SEPTIN12: variants seen among roughly 807,000 people sequenced by gnomAD.
The protein encoded by SEPTIN12 is septin-12.
A neutral mutation model predicts 37.7 loss-of-function variants in SEPTIN12; 42 were observed. The ratio of observed to expected loss-of-function variants is 1.11; its 90% confidence interval spans 0.87 to 1.44. SEPTIN12 has a LOEUF of 1.44. Among genes scored for constraint, SEPTIN12 ranks in the 40% most tolerant of loss-of-function variants. The pLI is 0.00. For missense variants in SEPTIN12, 613 were observed against 479.2 expected (o/e 1.28, Z -2.61); for synonymous variants, 254 against 196.7 (o/e 1.29, Z -2.44).
In SEPTIN12 at chr16:4,787,902, C is replaced by G. The variant is rs534390201; in HGVS notation, c.-22-235G>C. 1.1e-5 allele frequency: 5 copies of G among 452,388 alleles called. No homozygotes were observed. In the East Asian group the frequency reaches 2.0e-4, roughly 18 times the overall value. The allele number at this position is 452,388 out of a possible 1,614,324, so 28.0% of individuals were successfully genotyped here. A position where few individuals can be genotyped will look rare whatever the true frequency, so the allele number is the denominator to read the frequency against. On this transcript the variant is annotated intron_variant, in intron 1 of 9. Transcript: ENST00000268231. ...CAGAGAGGCTCCGCTGCCCAAGGGT[C>G]TGCCCTGTCCCCACCTACAGCCCAG...
Position 4,780,488 on chromosome 16 carries a change from A to T in SEPTIN12, c.727-702T>A, listed in dbSNP as rs1016780227. Among the ~76,000 whole-genome samples, 3 of 152,182 alleles carry T rather than the reference A, an allele frequency of 2.0e-5. No individual in the cohort carries two copies. The East Asian group carries it at 5.8e-4, about 29-fold the overall frequency. ...TGAACCATGACATCAGAGTTGAATC[A>T]TCACAACAGAGACCCTACGGCCCAG... On this transcript the variant is annotated intron_variant, in intron 7 of 9. Coordinates refer to ENST00000268231, the MANE Select transcript of SEPTIN12 (RefSeq NM_144605.5).
chr16:4,777,817 C>T lies in SEPTIN12; in HGVS notation c.1057G>A (p.Asp353Asn), dbSNP rs781297591. 2 of 1,568,836 alleles carry T rather than the reference C, an allele frequency of 1.3e-6. No individual in the cohort carries two copies. Among genetic ancestry groups the T allele is most frequent in the South Asian group, 1.2e-5 (1 of 84,846 alleles). Residue 353 changes from aspartate to asparagine, a missense_variant, in exon 10 of 10, where the codon GAT (aspartate) becomes AAT (asparagine). Coordinates refer to ENST00000268231, the MANE Select transcript of SEPTIN12 (RefSeq NM_144605.5). ...TFKVCRGAHDDSDDEF is the reference protein window; with the variant it reads ...TFKVCRGAHDNSDDEF ...GGTGGTCAGAACTCATCATCAGAAT[C>T]GTCATGGGCCCCCCTGCAGACCTTG...
At chr16:4,785,777 T>TAAA (rs368610870) in intron 4 of SEPTIN12, 30 bp downstream of exon 4, 207 of 1,194,302 alleles carry the variant, frequency 1.7e-4, no homozygotes, top group Admixed American at 2.4e-4. Context: ...AAACTCTGCC[T>TAAA]AAAAAAAAAA....
chr16:4,784,468 C>G (rs984295341), intron 4 of SEPTIN12, among the ~76,000 whole-genome samples: 5 of 152,084 alleles, frequency 3.3e-5, no homozygotes, highest in Non-Finnish European at 7.4e-5. Context: ...CCAAACAGAT[C>G]CTTTTAAAAA....
chr16:4,778,009 G>A lies in SEPTIN12; in HGVS notation c.876-11C>T, dbSNP rs993249552. 4.3e-6 allele frequency: 7 copies of A among 1,612,150 alleles called. No individual in the cohort carries two copies. Among genetic ancestry groups the A allele is most frequent in the Non-Finnish European group, 4.2e-6 (5 of 1,179,068 alleles). On this transcript the variant is annotated splice_polypyrimidine_tract_variant and intron_variant, in intron 9 of 9. Coordinates refer to ENST00000268231, the MANE Select transcript of SEPTIN12 (RefSeq NM_144605.5). ...TCTTGGAGGTGGGAGCTGGGGGACCGGAGACGGTCAGCCCCGATGGTGGTG... is the reference window on the plus strand; with the variant it reads ...TCTTGGAGGTGGGAGCTGGGGGACCAGAGACGGTCAGCCCCGATGGTGGTG...
At chr16:4,783,383 G>C in intron 7 of SEPTIN12, 79 bp downstream of exon 7, 1 of 1,064,976 alleles carries the variant, frequency 9.4e-7, no homozygotes, top group Non-Finnish European at 1.5e-6. Flanking sequence ...CTGAGATGTA[G>C]AGAAAGATGA....
intron 7 of SEPTIN12, among the ~76,000 whole-genome samples, chr16:4,781,057 G>A (rs1018100546): frequency 2.0e-5 from 3 of 151,980 alleles, no homozygotes; most frequent in Non-Finnish European, 2.9e-5. Context: ...TCAGGAGATC[G>A]AGATCACCCT....
chr16:4,784,127 CT>C (rs1364834175), intron 4 of SEPTIN12, 59 bp from the exon 5 acceptor site: 1 of 1,600,696 alleles, frequency 6.2e-7, no homozygotes, highest in Non-Finnish European at 8.5e-7. Context: ...AGCCCCACCC[CT>C]CTCCTCTGTG....
intron 5 of SEPTIN12, 49 bp downstream of exon 5, chr16:4,783,882 T>A (rs1347663515): frequency 6.2e-7 from 1 of 1,612,318 alleles, no homozygotes. Context: ...CTTCTCCTCC[T>A]CCCTGCCCCG....
At chr16:4,783,906 C>T (rs368003981) in intron 5 of SEPTIN12, 25 bp downstream of exon 5, 526 of 1,613,654 alleles carry the variant, frequency 3.3e-4, no homozygotes, top group Non-Finnish European at 4.3e-4. Flanking sequence ...AGGTGGTCCT[C>T]GCCTTGCAGG....
At chr16:4,778,050 G>A (rs1248081404) in intron 9 of SEPTIN12, 36 bp downstream of exon 9, 14 of 1,612,966 alleles carry the variant, frequency 8.7e-6, no homozygotes, top group East Asian at 2.2e-5. Flanking sequence ...AGGGCCCCTC[G>A]CCAGCCCCCT....
chr16:4,791,461 T>C (rs1024998210), upstream of SEPTIN12, among the ~76,000 whole-genome samples: 19 of 152,108 alleles, frequency 1.2e-4, no homozygotes, highest in African/African-American at 4.6e-4. Flanking sequence ...GTTCATTTCA[T>C]CCTCACGACA....
At chr16:4,779,078 C>T (rs2082344575) in intron 8 of SEPTIN12, among the ~76,000 whole-genome samples, 1 of 152,066 alleles carries the variant, frequency 6.6e-6, no homozygotes, top group Admixed American at 6.6e-5. Flanking sequence ...GCGGAGGTTG[C>T]AGTGAGCCGA....
At chr16:4,791,085 A>G (rs1012454346), upstream of SEPTIN12, among the ~76,000 whole-genome samples, 1 of 152,244 alleles carries the variant, frequency 6.6e-6, no homozygotes, top group African/African-American at 2.4e-5. Context: ...ATGTCCCCTA[A>G]GGAAATGCGC....
intron 8 of SEPTIN12, 58 bp downstream of exon 8, chr16:4,779,632 G>A: frequency 9.4e-7 from 1 of 1,065,070 alleles, no homozygotes; most frequent in Non-Finnish European, 1.5e-6. Context: ...GTTGCCCAAG[G>A]CTGCTCTGGT....
In SEPTIN12 at chr16:4,787,612, G is replaced by C. The variant is rs767376099; in HGVS notation, c.34C>G (p.Leu12Val). 4 of 1,602,120 alleles carry C rather than the reference G, an allele frequency of 2.5e-6. No individual in the cohort carries two copies. Among genetic ancestry groups the C allele is most frequent in the Non-Finnish European group, 3.4e-6 (4 of 1,178,634 alleles). Reference sequence around the variant, plus strand: ...CTGGGGCTGGAGGGCTGCGAGGACAGGCAGGGAGAGGGGGAGCGCCTCAGG... The same window carrying C: ...CTGGGGCTGGAGGGCTGCGAGGACACGCAGGGAGAGGGGGAGCGCCTCAGG... ...DPLRRSPSPCLSSQPSSPSTP... is the reference protein window; with the variant it reads ...DPLRRSPSPCVSSQPSSPSTP... The change falls in exon 2 of 10, where the codon CTG (leucine) becomes GTG (valine). Residue 12 changes from leucine (L) to valine (V), a missense_variant. Physicochemically the swap from Leu to Val is conservative, Grantham distance 32 (BLOSUM62 1). Coordinates refer to ENST00000268231, the MANE Select transcript of SEPTIN12 (RefSeq NM_144605.5).
intron 4 of SEPTIN12, 40 bp from the exon 5 acceptor site, chr16:4,784,108 T>G (rs765566013): frequency 2.5e-6 from 4 of 1,610,436 alleles, no homozygotes; most frequent in Non-Finnish European, 3.4e-6. Context: ...AACTGTGCTG[T>G]GCCCAGAGAG....
chr16:4,779,987 T>A (rs2082355684), intron 7 of SEPTIN12, among the ~76,000 whole-genome samples: 1 of 151,970 alleles, frequency 6.6e-6, no homozygotes, highest in South Asian at 2.1e-4. Context: ...TTGCCTGTAA[T>A]TTCAGCACTT....
chr16:4,791,787 A>C (rs1301413753), upstream of SEPTIN12, among the ~76,000 whole-genome samples: 1 of 152,014 alleles, frequency 6.6e-6, no homozygotes, highest in Non-Finnish European at 1.5e-5. Context: ...TCCCGGGTTC[A>C]AGTGATTCTC....
Sources: allele counts gnomAD v4.1 joint callset (sites outside exome capture counted in the v4.1 genomes callset), GRCh38; gene constraint gnomAD v4.1.1; transcripts MANE v1.5; gene names NCBI Gene and HGNC (gene_info 2026-07-23, HGNC 2026-07-21).